The following ARHGAP5 variants were observed in gnomAD, a reference collection of about 807,000 sequenced individuals.
ARHGAP5 encodes the protein Rho GTPase activating protein 5, also known as rho GTPase-activating protein 5.
In ARHGAP5, 23 loss-of-function variants were observed where a neutral mutation model predicts 116.6. The observed-to-expected ratio is 0.20, with a 90% CI of 0.14 to 0.28. The LOEUF (loss-of-function observed/expected upper bound fraction) is 0.28, where lower values mean the gene tolerates loss of function less well. Among genes scored for constraint, ARHGAP5 ranks in the 10% least tolerant of loss-of-function variants. ARHGAP5 has a pLI of 1.00. For missense variants in ARHGAP5, 1,405 were observed against 1,774.8 expected, an observed-to-expected ratio of 0.79 and a Z score of 3.74; for synonymous variants, 574 against 602.0, an observed-to-expected ratio of 0.95 and a Z score of 0.68.
Position 32,077,448 on chromosome 14 carries a change from G to T in ARHGAP5, c.-169+13G>T. The T allele has an allele frequency of 1.4e-6, 1 of 699,442 alleles. No individual in the cohort carries two copies. Among genetic ancestry groups the T allele is most frequent in the Non-Finnish European group, 2.6e-6 (1 of 383,714 alleles). 43.3% of individuals were successfully genotyped at this position (699,442 alleles called of 1,614,324 possible). A position where few individuals can be genotyped will look rare whatever the true frequency, so the allele number is the denominator to read the frequency against. On this transcript the variant is annotated intron_variant, in intron 1 of 6. Transcript: ENST00000345122. The stretch of plus-strand genomic sequence containing the variant: ...CCGACGTTGTTAGGTAGGACCTTGC[G>T]GACCCCGCTCCTCCAAGCCTGCCTG...
At chr14:32,134,646 C>G (rs887932418) in intron 3 of ARHGAP5, among the ~76,000 whole-genome samples, 1 of 152,178 alleles carries the variant, frequency 6.6e-6, no homozygotes, top group African/African-American at 2.4e-5. Flanking sequence ...TATTTTATGT[C>G]TTGTATCACA....
chr14:32,102,644 G>A (rs550991803), intron 2 of ARHGAP5, among the ~76,000 whole-genome samples: 1 of 152,306 alleles, frequency 6.6e-6, no homozygotes, highest in South Asian at 2.1e-4. Context: ...TTCTAAGATA[G>A]GAAAACCACA....
chr14:32,133,273 T>G (rs1230435687), intron 3 of ARHGAP5, among the ~76,000 whole-genome samples: 1 of 152,212 alleles, frequency 6.6e-6, no homozygotes, highest in Non-Finnish European at 1.5e-5. Flanking sequence ...GAGCAGTGGT[T>G]TGTAGTTCTC....
chr14:32,091,101 T>G lies in ARHGAP5; in HGVS notation c.432T>G (p.Phe144Leu). Residue 144 changes from phenylalanine (F) to leucine (L), a missense_variant, in exon 2 of 7, where the codon TTT (phenylalanine) becomes TTG (leucine). Coordinates refer to ENST00000345122, the MANE Select transcript of ARHGAP5 (RefSeq NM_001030055.2). ...ATCAGCTAGGCTTAGAACAAGACTT[T>G]GAACAGAAGCAAATGCCTGAAGGGA... ...CTDQLGLEQDFEQKQMPEGKL... is the reference protein window; with the variant it reads ...CTDQLGLEQDLEQKQMPEGKL... The G allele has an allele frequency of 6.2e-7, 1 of 1,613,698 alleles. No individual in the cohort carries two copies. The highest frequency in any genetic ancestry group is 8.5e-7 in the Non-Finnish European group (1 of 1,179,668).
chr14:32,088,286 T>C (rs150990535), intron 1 of ARHGAP5, among the ~76,000 whole-genome samples: 1 of 152,136 alleles, frequency 6.6e-6, no homozygotes, highest in East Asian at 1.9e-4. Flanking sequence ...TACTGTACTG[T>C]AAAAATTCCC....
At chr14:32,097,407 G>A (rs1410300687) in intron 2 of ARHGAP5, among the ~76,000 whole-genome samples, 1 of 152,158 alleles carries the variant, frequency 6.6e-6, no homozygotes, top group East Asian at 1.9e-4. Flanking sequence ...AATAGATGCA[G>A]AAGAAAGACT....
intron 3 of ARHGAP5, among the ~76,000 whole-genome samples, chr14:32,143,239 G>GTTGTTGTTGTTGTTGTTATTA (rs1456165613): frequency 1.4e-5 from 2 of 143,886 alleles, no homozygotes; most frequent in African/African-American, 5.4e-5. Context: ...TGTTGTTGTT[G>GTTGTTGTTGTTGTTGTTATTA]TTATTATTAT....
chr14:32,124,873 A>G (rs1378777206), intron 3 of ARHGAP5, among the ~76,000 whole-genome samples: 10 of 152,190 alleles, frequency 6.6e-5, no homozygotes, highest in African/African-American at 9.7e-5. Flanking sequence ...CTAGGGTGGT[A>G]GGAAGAAAAG....
At chr14:32,129,650 C>T (rs181443529) in intron 3 of ARHGAP5, among the ~76,000 whole-genome samples, 8 of 152,058 alleles carry the variant, frequency 5.3e-5, no homozygotes, top group Middle Eastern at 3.4e-3. Flanking sequence ...CTTTCAAGAA[C>T]TCCCACTTTT....
At chr14:32,127,435 A>T (rs1880227917) in intron 3 of ARHGAP5, among the ~76,000 whole-genome samples, 1 of 152,096 alleles carries the variant, frequency 6.6e-6, no homozygotes, top group African/African-American at 2.4e-5. Flanking sequence ...CACCGCCCTT[A>T]ATCCATTTAA....
At chr14:32,108,960 T>C (rs1441030224) in intron 2 of ARHGAP5, among the ~76,000 whole-genome samples, 2 of 152,180 alleles carry the variant, frequency 1.3e-5, no homozygotes, top group Admixed American at 6.5e-5. Context: ...TTAAAATTGC[T>C]AACTCTTGGT....
At chr14:32,151,574 A>C (rs1359522955) in intron 5 of ARHGAP5, among the ~76,000 whole-genome samples, 1 of 152,378 alleles carries the variant, frequency 6.6e-6, no homozygotes, top group African/African-American at 2.4e-5. Flanking sequence ...AGAAAATTTC[A>C]TGACACATTA....
intron 2 of ARHGAP5, among the ~76,000 whole-genome samples, chr14:32,111,950 C>T (rs933074129): frequency 1.3e-5 from 2 of 150,694 alleles, no homozygotes; most frequent in African/African-American, 4.9e-5. Context: ...ATTCTCCTGC[C>T]TCAGACTACA....
In ARHGAP5 at chr14:32,156,269, G is replaced by T. The variant is rs991297752; in HGVS notation, c.*1321G>T. The T allele has an allele frequency of 3.9e-5, 6 of 152,304 alleles. No individual in the cohort carries two copies. The highest frequency in any genetic ancestry group is 3.9e-4 in the Admixed American group (6 of 15,262). 9.4% of individuals were successfully genotyped at this position (152,304 alleles called of 1,614,324 possible). A position where few individuals can be genotyped will look rare whatever the true frequency, so the allele number is the denominator to read the frequency against. On this transcript the variant is annotated 3_prime_UTR_variant, in exon 7 of 7. Coordinates refer to ENST00000345122, the MANE Select transcript of ARHGAP5 (RefSeq NM_001030055.2). ...GGTAAATTTCACTAGGTTATATTTT[G>T]TGTAGTAAAGAAAAAAATTATTTGG...
At chr14:32,120,343 A>G (rs142554679) in intron 3 of ARHGAP5, among the ~76,000 whole-genome samples, 88 of 151,856 alleles carry the variant, frequency 5.8e-4, no homozygotes, top group African/African-American at 2.0e-3. Flanking sequence ...AATTTTATTG[A>G]TCACTTCAAA....
At chr14:32,112,786 A>T (rs2139059904) in intron 2 of ARHGAP5, among the ~76,000 whole-genome samples, 1 of 152,108 alleles carries the variant, frequency 6.6e-6, no homozygotes, top group South Asian at 2.1e-4. Context: ...CAGGAGAGTG[A>T]TGTGAACCCG....
chr14:32,079,752 T>C (rs984961107), intron 1 of ARHGAP5, among the ~76,000 whole-genome samples: 6 of 152,180 alleles, frequency 3.9e-5, no homozygotes, highest in African/African-American at 1.4e-4. Context: ...TGAAATGGCA[T>C]AATAGAGATT....
At chr14:32,101,720 A>T (rs1028508318) in intron 2 of ARHGAP5, among the ~76,000 whole-genome samples, 3 of 152,042 alleles carry the variant, frequency 2.0e-5, no homozygotes, top group African/African-American at 4.8e-5. Context: ...GTAGTGGCTC[A>T]CACCTGTAAT....
At chr14:32,143,006 C>T (rs1231785723) in intron 3 of ARHGAP5, among the ~76,000 whole-genome samples, 2 of 152,100 alleles carry the variant, frequency 1.3e-5, no homozygotes, top group South Asian at 4.2e-4. Context: ...TATTTTATGA[C>T]TTAAATAATT....
Sources: gnomAD v4.1 joint callset for allele counts (sites outside exome capture counted in the v4.1 genomes callset) on GRCh38, gnomAD v4.1.1 for gene constraint, MANE v1.5 for transcripts, NCBI Gene and HGNC (gene_info 2026-07-23, HGNC 2026-07-21) for gene names.